The following BBX variants were observed in gnomAD, a reference collection of about 807,000 sequenced individuals.
The protein encoded by BBX is BBX high mobility group box domain containing.
BBX carries 30 observed loss-of-function variants against 100.2 expected under a neutral mutation model. That is an observed-to-expected ratio of 0.30 (90% CI 0.22 to 0.41). The LOEUF (loss-of-function observed/expected upper bound fraction) is 0.41, where lower values mean the gene tolerates loss of function less well. BBX is among the 10% of genes least tolerant of loss of function. The probability of loss-of-function intolerance (pLI) is 1.00; values close to 1 mark genes in which losing one functional copy is unlikely to be tolerated. For synonymous variants in BBX, 376 were observed against 388.1 expected (o/e 0.97, Z 0.37); for missense variants, 1,023 against 1,129.8 (o/e 0.91, Z 1.35).
chr3:107,772,544 C>A, intron 10 of BBX, 84 bp from the exon 11 acceptor site: 1 of 1,342,492 alleles, frequency 7.4e-7, no homozygotes, highest in Non-Finnish European at 1.0e-6. Flanking sequence ...ATTTTTAAAA[C>A]AGATATAATT....
At chr3:107,672,320 T>C (rs1405355408) in intron 3 of BBX, among the ~76,000 whole-genome samples, 1 of 152,030 alleles carries the variant, frequency 6.6e-6, no homozygotes, top group Non-Finnish European at 1.5e-5. Context: ...TTTGACCTAT[T>C]AGGAGAAAGG....
chr3:107,533,952 A>T (rs955180955), intron 2 of BBX, among the ~76,000 whole-genome samples: 10 of 152,208 alleles, frequency 6.6e-5, no homozygotes, highest in Admixed American at 2.6e-4. Context: ...TTCAATAATT[A>T]ATTATGAAAT....
intron 3 of BBX, among the ~76,000 whole-genome samples, chr3:107,690,521 C>G (rs555317786): frequency 1.3e-5 from 2 of 152,236 alleles, no homozygotes; most frequent in South Asian, 4.2e-4. Flanking sequence ...GGGTTTAACT[C>G]AATATGTGGA....
chr3:107,690,608 A>G (rs1576349600), intron 3 of BBX, among the ~76,000 whole-genome samples: 1 of 152,100 alleles, frequency 6.6e-6, no homozygotes, highest in African/African-American at 2.4e-5. Flanking sequence ...TCCCAGGTTT[A>G]TATGGTTTAT....
intron 13 of BBX, among the ~76,000 whole-genome samples, chr3:107,780,801 G>A (rs1185911388): frequency 6.6e-6 from 1 of 151,998 alleles, no homozygotes; most frequent in Non-Finnish European, 1.5e-5. Flanking sequence ...CATACCAGCT[G>A]TGCTGTAATT....
intron 10 of BBX, among the ~76,000 whole-genome samples, chr3:107,766,416 G>A (rs2066399085): frequency 6.6e-6 from 1 of 152,080 alleles, no homozygotes; most frequent in Non-Finnish European, 1.5e-5. Context: ...CAAATCTTAA[G>A]ACTATTTTTA....
At chr3:107,636,346 G>A (rs1403960509) in intron 2 of BBX, among the ~76,000 whole-genome samples, 1 of 152,140 alleles carries the variant, frequency 6.6e-6, no homozygotes, top group Non-Finnish European at 1.5e-5. Flanking sequence ...ATGGAGGTGG[G>A]GGAGACTGTA....
intron 2 of BBX, among the ~76,000 whole-genome samples, chr3:107,528,504 C>T (rs929257645): frequency 1.8e-4 from 27 of 152,072 alleles, no homozygotes; most frequent in Non-Finnish European, 1.0e-4. Flanking sequence ...TCTTGATCTT[C>T]GTATCCATTT....
chr3:107,729,050 A>ATACTT, intron 6 of BBX, 90 bp downstream of exon 6: 1 of 1,327,198 alleles, frequency 7.5e-7, no homozygotes, highest in Non-Finnish European at 1.0e-6. Context: ...CGGGGGGACA[A>ATACTT]AATTTATAAC....
chr3:107,607,104 C>CT (rs908516934), intron 2 of BBX, among the ~76,000 whole-genome samples: 20 of 149,404 alleles, frequency 1.3e-4, no homozygotes, highest in South Asian at 6.4e-4. Flanking sequence ...AGATCTTATT[C>CT]TTTTTTTTTT....
intron 14 of BBX, among the ~76,000 whole-genome samples, chr3:107,790,379 AC>A (rs993713275): frequency 2.0e-5 from 3 of 148,528 alleles, no homozygotes; most frequent in African/African-American, 5.0e-5. Flanking sequence ...CTCTTCTTCC[AC>A]CCCCCCTCGT....
chr3:107,526,420 ACAG>A, intron 2 of BBX, 22 bp downstream of exon 2: 1 of 398,606 alleles, frequency 2.5e-6, no homozygotes, highest in African/African-American at 2.1e-5. Context: ...AACTGTTCGT[ACAG>A]GGAAGCAGGA....
intron 17 of BBX, among the ~76,000 whole-genome samples, chr3:107,803,255 T>C (rs1576895999): frequency 6.6e-6 from 1 of 152,310 alleles, no homozygotes; most frequent in East Asian, 1.9e-4. Context: ...TACTAGAATT[T>C]TACCATCAAC....
At chr3:107,676,122 T>TA (rs931510298) in intron 3 of BBX, among the ~76,000 whole-genome samples, 1 of 151,964 alleles carries the variant, frequency 6.6e-6, no homozygotes, top group Non-Finnish European at 1.5e-5. Flanking sequence ...TAGAAGCTTT[T>TA]AAAAAAAATT....
intron 2 of BBX, among the ~76,000 whole-genome samples, chr3:107,588,830 G>C (rs1458421382): frequency 6.6e-6 from 1 of 152,118 alleles, no homozygotes; most frequent in Non-Finnish European, 1.5e-5. Flanking sequence ...AAAGGAAAAA[G>C]ACTGGGAATA....
At chr3:107,660,395 A>C (rs931912716) in intron 3 of BBX, among the ~76,000 whole-genome samples, 2 of 151,690 alleles carry the variant, frequency 1.3e-5, no homozygotes, top group African/African-American at 4.8e-5. Flanking sequence ...CATTGTGTTC[A>C]TACCACTCAT....
intron 2 of BBX, among the ~76,000 whole-genome samples, chr3:107,617,380 A>G (rs570902711): frequency 1.6e-4 from 24 of 152,036 alleles, no homozygotes; most frequent in African/African-American, 3.9e-4. Context: ...GTTCCTTTGC[A>G]TTTCCATGTA....
intron 3 of BBX, among the ~76,000 whole-genome samples, chr3:107,697,020 A>G (rs960750590): frequency 2.0e-5 from 3 of 151,706 alleles, no homozygotes; most frequent in Non-Finnish European, 4.4e-5. Flanking sequence ...TTCTTCACGT[A>G]GTTCTCGAGC....
chr3:107,730,174 C>G (rs1454489507), intron 6 of BBX, among the ~76,000 whole-genome samples: 1 of 152,136 alleles, frequency 6.6e-6, no homozygotes, highest in East Asian at 1.9e-4. Context: ...TAGTGTAATT[C>G]TAAGTAAGCT....
Sources: gnomAD v4.1 joint callset for allele counts (sites outside exome capture counted in the v4.1 genomes callset) on GRCh38, gnomAD v4.1.1 for gene constraint, MANE v1.5 for transcripts, NCBI Gene and HGNC (gene_info 2026-07-23, HGNC 2026-07-21) for gene names.